Variants in PPM1L observed in about 807,000 individuals in gnomAD.
PPM1L encodes protein phosphatase, Mg2+/Mn2+ dependent 1L, also known as protein phosphatase 1L.
PPM1L carries 13 observed loss-of-function variants against 31.4 expected under a neutral mutation model. The ratio of observed to expected loss-of-function variants is 0.41; its 90% CI spans 0.27 to 0.66. The LOEUF (loss-of-function observed/expected upper bound fraction) is 0.66. PPM1L is among the 30% of genes least tolerant of loss of function. The probability of loss-of-function intolerance (pLI) is 0.29; values close to 1 mark genes in which losing one functional copy is unlikely to be tolerated. For synonymous variants in PPM1L, 184 were observed against 175.4 expected (o/e 1.05, Z -0.39); for missense variants, 326 against 453.7 (o/e 0.72, Z 2.56).
intron 2 of PPM1L, among the ~76,000 whole-genome samples, chr3:161,042,878 G>A (rs946463339): frequency 6.6e-6 from 1 of 151,876 alleles, no homozygotes; most frequent in South Asian, 2.1e-4. Flanking sequence ...AAATTAGCTG[G>A]GCGTAGTGGC....
rs570652706 is a variant in PPM1L, at chr3:160,825,434, A to G, written c.399+68727A>G. On this transcript the variant is annotated intron_variant, in intron 1 of 3. Coordinates refer to ENST00000498165, the MANE Select transcript of PPM1L (RefSeq NM_139245.4). The stretch of plus-strand genomic sequence containing the variant: ...GGTCTCACTTAAAATACTGTTAACA[A>G]TAGCAGCTCACTTGCATTGATTGCT... Among the ~76,000 whole-genome samples, 6 of 152,286 alleles carry G rather than the reference A, an allele frequency of 3.9e-5. No homozygotes were observed. The East Asian group carries it at 9.7e-4, about 24-fold the overall frequency.
chr3:160,820,245 T>A (rs1280890105), intron 1 of PPM1L, among the ~76,000 whole-genome samples: 5 of 152,084 alleles, frequency 3.3e-5, no homozygotes, highest in African/African-American at 1.2e-4. Flanking sequence ...ACTCTTTATG[T>A]TTAGATAAAG....
chr3:160,759,780 A>T (rs113720105), intron 1 of PPM1L, among the ~76,000 whole-genome samples: 2,500 of 152,282 alleles, frequency 0.016, 60 homozygotes, highest in African/African-American at 0.057. Flanking sequence ...GATTAGCAGC[A>T]TAGGTTTTGA....
rs73155991 is a variant in PPM1L, at chr3:160,807,735, G to A, written c.399+51028G>A. 6.1e-3 allele frequency among the ~76,000 whole-genome samples: 918 copies of A among 151,650 alleles called. 10 individuals are homozygous for A. The highest frequency in any genetic ancestry group is 7.8e-3 in the Non-Finnish European group (529 of 67,980). ...AAATGAAAATAGTGAAAGAGTTGAG[G>A]AAACATTTATGAATTGGGATTGCTT... On this transcript the variant is annotated intron_variant, in intron 1 of 3. Transcript: ENST00000498165.
chr3:161,031,502 C>CTTTTTTTTTTTTTTTTTTTTTTTTTT lies in PPM1L; in HGVS notation c.575-33885_575-33884insTTTTTTTTTTTTTTTTTTTTTTTTTT, dbSNP rs760907219. Among the ~76,000 whole-genome samples, 4 of 101,670 alleles carry CTTTTTTTTTTTTTTTTTTTTTTTTTT rather than the reference C, an allele frequency of 3.9e-5. 1 individual carries two copies. Among genetic ancestry groups the CTTTTTTTTTTTTTTTTTTTTTTTTTT allele is most frequent in the African/African-American group, 1.3e-4 (3 of 22,846 alleles). 66.7% of individuals were successfully genotyped at this position (101,670 alleles called of 152,430 possible). A position where few individuals can be genotyped will look rare whatever the true frequency, so the allele number is the denominator to read the frequency against. ...GTGAATGGCAGCTATGTATTCTGTC[C>CTTTTTTTTTTTTTTTTTTTTTTTTTT]TTTTTTTTTTTTTTTTGAGAGAGAG... On this transcript the variant is annotated intron_variant, in intron 2 of 3. Coordinates refer to ENST00000498165, the MANE Select transcript of PPM1L (RefSeq NM_139245.4).
At chr3:160,919,639 A>G (rs1475224982) in intron 1 of PPM1L, among the ~76,000 whole-genome samples, 1 of 152,176 alleles carries the variant, frequency 6.6e-6, no homozygotes, top group Non-Finnish European at 1.5e-5. Context: ...TAATATATAT[A>G]GTTATAATGT....
intron 1 of PPM1L, among the ~76,000 whole-genome samples, chr3:160,932,557 A>G (rs930776703): frequency 6.6e-6 from 1 of 152,202 alleles, no homozygotes; most frequent in Non-Finnish European, 1.5e-5. Flanking sequence ...AGACTCCTTT[A>G]AATGATCAAA....
At chr3:160,939,548 C>T (rs1446415158) in intron 1 of PPM1L, 1 of 152,208 alleles carries the variant, frequency 6.6e-6, no homozygotes, top group African/African-American at 2.4e-5. Context: ...TCATGGGGCC[C>T]TGTCTTTCTC....
intron 1 of PPM1L, among the ~76,000 whole-genome samples, chr3:160,917,890 C>T (rs557302197): frequency 8.6e-5 from 13 of 151,988 alleles, no homozygotes; most frequent in East Asian, 1.9e-4. Flanking sequence ...TTTCTTTGTT[C>T]GTAATAAAAT....
At chr3:160,826,248 G>T (rs1201743694) in intron 1 of PPM1L, among the ~76,000 whole-genome samples, 1 of 152,094 alleles carries the variant, frequency 6.6e-6, no homozygotes. Flanking sequence ...TGATGTTTGG[G>T]TATTCAAACC....
intron 1 of PPM1L, among the ~76,000 whole-genome samples, chr3:160,827,446 T>TG (rs1373804244): frequency 7.1e-6 from 1 of 140,530 alleles, no homozygotes; most frequent in Non-Finnish European, 1.5e-5. Flanking sequence ...TTGATATAAG[T>TG]TTGTGTGTGT....
At chr3:160,858,822 A>G (rs1161352328) in intron 1 of PPM1L, among the ~76,000 whole-genome samples, 1 of 152,190 alleles carries the variant, frequency 6.6e-6, no homozygotes, top group Non-Finnish European at 1.5e-5. Flanking sequence ...TTCCTCATCT[A>G]TAATAAGATG....
At chr3:161,015,595 G>A (rs1271539714) in intron 2 of PPM1L, among the ~76,000 whole-genome samples, 4 of 152,204 alleles carry the variant, frequency 2.6e-5, no homozygotes, top group South Asian at 2.1e-4. Context: ...GCACACAGCC[G>A]AGATAGGTCT....
At chr3:160,837,276 C>T (rs183067802) in intron 1 of PPM1L, among the ~76,000 whole-genome samples, 1 of 152,044 alleles carries the variant, frequency 6.6e-6, no homozygotes, top group African/African-American at 2.4e-5. Flanking sequence ...ATAAGACCAT[C>T]TGGGTCTACT....
intron 1 of PPM1L, among the ~76,000 whole-genome samples, chr3:160,783,836 C>T (rs555357120): frequency 6.8e-4 from 104 of 152,056 alleles, no homozygotes; most frequent in African/African-American, 2.5e-3. Flanking sequence ...TGTAGGGATG[C>T]CTAACTTAGA....
chr3:160,896,052 G>A (rs993625578), intron 1 of PPM1L, among the ~76,000 whole-genome samples: 1 of 152,086 alleles, frequency 6.6e-6, no homozygotes, highest in Non-Finnish European at 1.5e-5. Flanking sequence ...AGCAACTTTA[G>A]GGACTGCTCT....
chr3:160,813,881 C>T (rs1252946714), intron 1 of PPM1L, among the ~76,000 whole-genome samples: 2 of 152,156 alleles, frequency 1.3e-5, no homozygotes, highest in Non-Finnish European at 2.9e-5. Context: ...ATACGTTTTA[C>T]ATCTACTTTA....
intron 1 of PPM1L, among the ~76,000 whole-genome samples, chr3:160,927,606 ATGTGTG>A (rs141545778): frequency 6.7e-6 from 1 of 148,356 alleles, no homozygotes; most frequent in South Asian, 2.1e-4. Context: ...TCATTTCCCT[ATGTGTG>A]TGTGTGTGTG....
intron 2 of PPM1L, among the ~76,000 whole-genome samples, chr3:160,963,805 C>T (rs117238988): frequency 2.6e-5 from 4 of 152,140 alleles, no homozygotes; most frequent in East Asian, 3.9e-4. Context: ...GCAACAGATC[C>T]TCAGAGGTAG....
Sources: gnomAD v4.1 joint callset for allele counts (sites outside exome capture counted in the v4.1 genomes callset) on GRCh38, gnomAD v4.1.1 for gene constraint, MANE v1.5 for transcripts, NCBI Gene and HGNC (gene_info 2026-07-23, HGNC 2026-07-21) for gene names.